The following PKHD1 variants were observed in gnomAD, a reference collection of about 807,000 sequenced individuals.
PKHD1 encodes fibrocystin.
In PKHD1, 291 loss-of-function variants were observed where a neutral mutation model predicts 412.0. That is an observed-to-expected ratio of 0.71 (90% CI 0.64 to 0.78). PKHD1 has a LOEUF of 0.78. PKHD1 is among the 30% of genes least tolerant of loss of function. The pLI is 0.00. For missense variants in PKHD1, 4,825 were observed against 4,950.7 expected, an observed-to-expected ratio of 0.97 and a Z score of 0.76; for synonymous variants, 1,777 against 1,821.5, an observed-to-expected ratio of 0.98 and a Z score of 0.62.
chr6:51,893,148 A>G (rs952596275), intron 43 of PKHD1, among the ~76,000 whole-genome samples: 1 of 152,230 alleles, frequency 6.6e-6, no homozygotes, highest in Non-Finnish European at 1.5e-5. Context: ...GCTAAAAGTG[A>G]TCATCTCACT....
In PKHD1 at chr6:51,748,277, A is replaced by C; in HGVS notation, c.9339T>G (p.Ser3113=). 1 of 1,614,076 alleles carries C rather than the reference A, an allele frequency of 6.2e-7. No individual in the cohort carries two copies. Among genetic ancestry groups the C allele is most frequent in the South Asian group, 1.1e-5 (1 of 91,082 alleles). Residue 3113 remains serine (S), a synonymous_variant, in exon 58 of 67, where the codon TCT becomes TCG. Transcript: ENST00000371117. ...GFHIRGHKCS[S]CELLWSDNVA... is the part of the protein sequence containing the mutation. Reference sequence around the variant, plus strand: ...CATTGTCAGACCAAAGCAGTTCACAAGAGGAGCACTTGTGGCCTCGGATGT... The same window carrying C: ...CATTGTCAGACCAAAGCAGTTCACACGAGGAGCACTTGTGGCCTCGGATGT...
At chr6:52,054,254 C>T in intron 19 of PKHD1, 89 bp from the exon 20 acceptor site, 1 of 1,281,866 alleles carries the variant, frequency 7.8e-7, no homozygotes, top group Non-Finnish European at 1.1e-6. Flanking sequence ...ATCCCTAGAA[C>T]CCTGCCATAG....
chr6:52,023,064 G>T, intron 32 of PKHD1, 120 bp from the exon 33 acceptor site: 1 of 1,175,240 alleles, frequency 8.5e-7, no homozygotes, highest in Non-Finnish European at 1.2e-6. Flanking sequence ...CTCAGAATCC[G>T]CACAACTGGC....
intron 25 of PKHD1, among the ~76,000 whole-genome samples, chr6:52,044,323 C>G (rs1483444051): frequency 1.3e-5 from 2 of 152,144 alleles, no homozygotes; most frequent in Admixed American, 1.3e-4. Context: ...CACTGATTCT[C>G]TATGTATAAA....
intron 34 of PKHD1, among the ~76,000 whole-genome samples, chr6:52,011,692 T>C (rs1277974701): frequency 1.3e-5 from 2 of 152,242 alleles, no homozygotes; most frequent in African/African-American, 4.8e-5. Context: ...CACAATTTTC[T>C]AGAAATAATG....
At chr6:51,947,043 C>T (rs77369839) in intron 36 of PKHD1, among the ~76,000 whole-genome samples, 4,219 of 152,094 alleles carry the variant, frequency 0.028, 116 homozygotes, top group East Asian at 0.11. Flanking sequence ...GTGGCTATAC[C>T]TACTATCTTC....
chr6:51,936,400 G>A (rs1031078301), intron 36 of PKHD1, among the ~76,000 whole-genome samples: 1 of 152,128 alleles, frequency 6.6e-6, no homozygotes, highest in Non-Finnish European at 1.5e-5. Flanking sequence ...GAAGAGTCTT[G>A]GTGAGATGTA....
chr6:51,909,530 C>T, intron 39 of PKHD1, 56 bp from the exon 40 acceptor site: 1 of 1,345,536 alleles, frequency 7.4e-7, no homozygotes, highest in Non-Finnish European at 1.1e-6. Context: ...TGCTTCCAGA[C>T]AAATCTCCCA....
chr6:51,970,465 C>T (rs1793498893), intron 35 of PKHD1, among the ~76,000 whole-genome samples: 1 of 152,124 alleles, frequency 6.6e-6, no homozygotes, highest in Admixed American at 6.5e-5. Context: ...CTAGGTCCCA[C>T]TTGCTTATTT....
intron 55 of PKHD1, among the ~76,000 whole-genome samples, chr6:51,759,858 C>T (rs9357706): frequency 0.32 from 48,649 of 152,016 alleles, 9,669 homozygotes; most frequent in East Asian, 0.7. Flanking sequence ...TTTAGCTAAC[C>T]ACCTAACTAG....
intron 60 of PKHD1, among the ~76,000 whole-genome samples, chr6:51,711,785 G>A (rs1780687774): frequency 6.6e-6 from 1 of 152,176 alleles, no homozygotes; most frequent in Non-Finnish European, 1.5e-5. Flanking sequence ...TGAAAGAAAT[G>A]TGTATTTTAT....
At chr6:51,633,567 AAC>A (rs1415676331) in intron 64 of PKHD1, among the ~76,000 whole-genome samples, 1 of 152,160 alleles carries the variant, frequency 6.6e-6, no homozygotes, top group African/African-American at 2.4e-5. Flanking sequence ...AAAAGAAACA[AAC>A]ACACAATTGA....
chr6:52,002,630 C>T (rs149647890), intron 35 of PKHD1, among the ~76,000 whole-genome samples: 10 of 151,824 alleles, frequency 6.6e-5, no homozygotes, highest in Middle Eastern at 3.4e-3. Flanking sequence ...TCTGCAGGCA[C>T]ACAACCCTGA....
At chr6:52,058,228 C>G in intron 16 of PKHD1, 95 bp downstream of exon 16, 1 of 1,162,066 alleles carries the variant, frequency 8.6e-7, no homozygotes, top group South Asian at 1.2e-5. Flanking sequence ...TTATAATGAC[C>G]CCTCAGGTCG....
intron 37 of PKHD1, among the ~76,000 whole-genome samples, chr6:51,916,535 A>G (rs1783840520): frequency 6.6e-6 from 1 of 152,192 alleles, no homozygotes; most frequent in Non-Finnish European, 1.5e-5. Flanking sequence ...AGTAAATGGA[A>G]TTTGTAGCCT....
In PKHD1 at chr6:52,066,492, A is replaced by G. The variant is rs181283611; in HGVS notation, c.779-415T>C. Among the ~76,000 whole-genome samples, 12 of 152,332 alleles carry G rather than the reference A, an allele frequency of 7.9e-5. No homozygotes were observed. The East Asian group carries it at 2.3e-3, about 29-fold the overall frequency. On this transcript the variant is annotated intron_variant, in intron 11 of 66. Coordinates refer to ENST00000371117, the MANE Select transcript of PKHD1 (RefSeq NM_138694.4). ...TATGAATCTGTAATTTGCTCTAAGC[A>G]GAAGAATGAATTTCACTGTCTTTAG...
intron 63 of PKHD1, among the ~76,000 whole-genome samples, chr6:51,646,467 G>A (rs768099602): frequency 2.0e-4 from 31 of 152,148 alleles, no homozygotes; most frequent in Non-Finnish European, 3.7e-4. Context: ...AGGCAGGTAA[G>A]AAGAAAAAAA....
chr6:51,862,440 A>T (rs566759840), intron 48 of PKHD1, among the ~76,000 whole-genome samples: 2 of 152,310 alleles, frequency 1.3e-5, no homozygotes, highest in Non-Finnish European at 2.9e-5. Context: ...AAGATAATAC[A>T]TCTTTGAATT....
chr6:51,736,088 T>C (rs1783809407), intron 60 of PKHD1, among the ~76,000 whole-genome samples: 1 of 152,186 alleles, frequency 6.6e-6, no homozygotes, highest in Non-Finnish European at 1.5e-5. Flanking sequence ...GTTGATGGCA[T>C]TAAATGAGGT....
Sources: gnomAD v4.1 joint callset for allele counts (sites outside exome capture counted in the v4.1 genomes callset) on GRCh38, gnomAD v4.1.1 for gene constraint, MANE v1.5 for transcripts, NCBI Gene and HGNC (gene_info 2026-07-23, HGNC 2026-07-21) for gene names.